Variants in MUC22 observed in about 807,000 individuals in gnomAD.
The protein encoded by MUC22 is mucin-22.
A neutral mutation model predicts 40.3 loss-of-function variants in MUC22; 24 were observed. The observed-to-expected ratio is 0.60, with a 90% CI of 0.43 to 0.84. The LOEUF (loss-of-function observed/expected upper bound fraction) is 0.84, where lower values mean the gene tolerates loss of function less well. Among genes scored for constraint, MUC22 ranks in the 40% least tolerant of loss-of-function variants. MUC22 has a pLI of 0.00. For synonymous variants in MUC22, 765 were observed against 844.5 expected (o/e 0.91, Z 1.63); for missense variants, 1,926 against 2,130.7 (o/e 0.90, Z 1.89).
At chr6:31,025,844 C>T in exon 2 of MUC22, 1 of 1,533,768 alleles carries the variant, frequency 6.5e-7, no homozygotes, top group East Asian at 2.5e-5. Context: ...TCTGGGACCA[C>T]AACAACCTTT....
At chr6:31,015,704 C>G (rs962174389) in intron 1 of MUC22, among the ~76,000 whole-genome samples, 1 of 152,180 alleles carries the variant, frequency 6.6e-6, no homozygotes, top group Non-Finnish European at 1.5e-5. Flanking sequence ...TTACTGACCT[C>G]TTGTAAAAGA....
chr6:31,026,936 GCTCTGAGACCACTGCAGC>G, exon 2 of MUC22: 1 of 1,504,214 alleles, frequency 6.6e-7, no homozygotes, highest in Non-Finnish European at 8.9e-7. Flanking sequence ...TCCACTGCAG[GCTCTGAGACCACTGCAGC>G]CTCTACTGAA....
rs1481462531 is a variant in MUC22 at position 31,032,273 on chromosome 6, G to A, written c.4747G>A (p.Ala1583Thr). Residue 1583 changes from alanine (A) to threonine (T), a missense_variant, in exon 3 of 4, where the codon GCT becomes ACT. Physicochemically the swap from Ala to Thr is moderately conservative, Grantham distance 58. Around this residue, in one of 3 missense-constraint regions of MUC22, gnomAD observed 610 missense variants for 714.6 expected, o/e 0.85. Coordinates refer to ENST00000561890, the Ensembl canonical transcript of MUC22. The surrounding 1 kb of genome is among the most constrained non-coding windows in gnomAD (Gnocchi z 4.1). ...CCCTGGAATGGACTTCACGGCCTCT[G>A]CTGCCAGCCATACTGTGCCAGGAAT... 1 of 1,535,494 alleles carries A rather than the reference G, an allele frequency of 6.5e-7. No individual in the cohort carries two copies.
chr6:31,017,226 A>G (rs9368652), intron 1 of MUC22, among the ~76,000 whole-genome samples: 18,306 of 152,238 alleles, frequency 0.12, 1,307 homozygotes, highest in East Asian at 0.33. Flanking sequence ...TCTGCGGCCC[A>G]GGTGCGGGAT....
intron 1 of MUC22, among the ~76,000 whole-genome samples, chr6:31,021,883 C>T (rs9501345): frequency 0.11 from 16,818 of 150,462 alleles, 1,209 homozygotes; most frequent in East Asian, 0.33. Context: ...TTCTTTTGCT[C>T]TTTGCAATAG....
upstream of MUC22, chr6:31,006,158 T>TG: frequency 5.1e-6 from 2 of 390,130 alleles, no homozygotes. Context: ...CATATTTTCT[T>TG]GAAAATATGG....
rs759451317 is a variant in MUC22, at chr6:31,026,238, A to G, written c.807A>G (p.Thr269=). ...CCGCTGCAGGCTCTAACACCACCAC[A>G]GCCTCTACCACAGGCTCTGAGACCA... is the stretch of plus-strand genomic sequence containing the variant. The change falls in exon 2 of 4, where the codon ACA becomes ACG. Residue 269 remains threonine (T), a synonymous_variant. Transcript: ENST00000561890. The G allele has an allele frequency of 2.0e-6, 3 of 1,528,472 alleles. No homozygotes were observed. The South Asian group carries it at 3.6e-5, about 18-fold the overall frequency. The allele number at this position is 1,528,472 out of a possible 1,614,324, so 94.7% of individuals were successfully genotyped here. A position where few individuals can be genotyped will look rare whatever the true frequency, so the allele number is the denominator to read the frequency against.
chr6:31,034,608 G>A, intron 3 of MUC22, 64 bp from the exon 4 acceptor site: 2 of 1,357,642 alleles, frequency 1.5e-6, no homozygotes, highest in South Asian at 1.4e-5. Flanking sequence ...AAACAGGCAT[G>A]TATGGTGATT....
rs559944675 is a variant in MUC22, at chr6:31,021,802, G to C, written c.71-3700G>C. On this transcript the variant is annotated intron_variant, in intron 1 of 3. Transcript: ENST00000561890. ...AGGATGTGGGTGGGGCCAGATAAGA[G>C]AATAAAAGCAGGCTGCCCGAGCCAG... Among the ~76,000 whole-genome samples, 4 of 152,284 alleles carry C rather than the reference G, an allele frequency of 2.6e-5. No individual in the cohort carries two copies. In the South Asian group the frequency reaches 6.2e-4, roughly 24 times the overall value.
rs1765299201 is a variant in MUC22, at chr6:31,026,164, TCCAAG to T, written c.734_738del (p.Ser245CysfsTer10). 4 of 1,522,698 alleles carry T rather than the reference TCCAAG, an allele frequency of 2.6e-6. No individual in the cohort carries two copies. In the Admixed American group the frequency reaches 6.0e-5, roughly 23 times the overall value. The allele number at this position is 1,522,698 out of a possible 1,614,324, so 94.3% of individuals were successfully genotyped here. On this transcript the variant is annotated frameshift_variant, in exon 2 of 4. Coordinates refer to ENST00000561890, the Ensembl canonical transcript of MUC22. LOFTEE classifies it high-confidence loss of function. ...GGCCACCACAACCTCAACTGCAGAC[TCCAAG>T]GTGATCACGGCATCCAGCATGAGCT...
At chr6:31,024,652 G>C (rs1765126144) in intron 1 of MUC22, among the ~76,000 whole-genome samples, 1 of 152,064 alleles carries the variant, frequency 6.6e-6, no homozygotes, top group Non-Finnish European at 1.5e-5. Context: ...TACACCTTTG[G>C]GTTATGTGTT....
intron 1 of MUC22, among the ~76,000 whole-genome samples, chr6:31,014,387 T>C (rs561101708): frequency 1.7e-4 from 22 of 130,324 alleles, no homozygotes; most frequent in Non-Finnish European, 3.3e-4. Flanking sequence ...ACCAGAGCAA[T>C]CCCATTTAGA....
At chr6:31,017,922 T>G (rs556224981) in intron 1 of MUC22, among the ~76,000 whole-genome samples, 2 of 152,256 alleles carry the variant, frequency 1.3e-5, no homozygotes, top group Non-Finnish European at 2.9e-5. Context: ...ACTCTTTGAG[T>G]CCACACTGCG....
At chr6:31,016,145 T>C (rs1182699074) in intron 1 of MUC22, among the ~76,000 whole-genome samples, 5 of 146,766 alleles carry the variant, frequency 3.4e-5, no homozygotes, top group Admixed American at 1.3e-4. Flanking sequence ...TTTTTTTTTT[T>C]TGTGGGTGCT....
intron 2 of MUC22, among the ~76,000 whole-genome samples, chr6:31,030,687 A>G (rs1336555745): frequency 6.6e-6 from 1 of 151,814 alleles, no homozygotes; most frequent in African/African-American, 2.4e-5. Flanking sequence ...CCTCAACTCT[A>G]CTGGCCCATC....
intron 1 of MUC22, among the ~76,000 whole-genome samples, chr6:31,015,777 A>G (rs1445817329): frequency 6.6e-6 from 1 of 152,216 alleles, no homozygotes; most frequent in Non-Finnish European, 1.5e-5. Flanking sequence ...ATCTCATGAT[A>G]TGGTGTCATA....
At chr6:31,024,359 C>T (rs906004411) in intron 1 of MUC22, among the ~76,000 whole-genome samples, 2 of 111,488 alleles carry the variant, frequency 1.8e-5, no homozygotes, top group African/African-American at 3.3e-5. Flanking sequence ...ATTATGGTTG[C>T]GTATGAGAAT....
At chr6:31,029,834 C>A in exon 2 of MUC22, 1 of 1,470,404 alleles carries the variant, frequency 6.8e-7, no homozygotes. Context: ...ACCAACACAG[C>A]CTGTACCACA....
At chr6:31,012,495 T>C (rs1763925764) in intron 1 of MUC22, among the ~76,000 whole-genome samples, 1 of 152,200 alleles carries the variant, frequency 6.6e-6, no homozygotes, top group Non-Finnish European at 1.5e-5. Context: ...ATTCATGTAG[T>C]CATTCAACAA....
Sources: allele counts gnomAD v4.1 joint callset (sites outside exome capture counted in the v4.1 genomes callset), GRCh38; gene constraint gnomAD v4.1.1; regional missense constraint gnomAD v4.1.1; non-coding constraint Gnocchi (gnomAD v3.1); transcripts MANE v1.5; gene names NCBI Gene and HGNC (gene_info 2026-07-23, HGNC 2026-07-21).